The following SLC24A2 variants were observed in gnomAD, a reference collection of about 807,000 sequenced individuals.
SLC24A2 encodes the protein solute carrier family 24 member 2.
SLC24A2 carries 36 observed loss-of-function variants against 62.0 expected under a neutral mutation model. That is an observed-to-expected ratio of 0.58 (90% confidence interval 0.44 to 0.77). The LOEUF is 0.77. Ranked by LOEUF, SLC24A2 falls within the 30% of genes least tolerant of loss-of-function variation. The pLI is 0.00. For synonymous variants in SLC24A2, 358 were observed against 294.0 expected (o/e 1.22, Z -2.23); for missense variants, 846 against 817.9 (o/e 1.03, Z -0.42).
chr9:20,023,418 G>C, the SLC24A2 span, among the ~76,000 whole-genome samples: 7 of 152,164 alleles, frequency 4.6e-5, no homozygotes, highest in Non-Finnish European at 1.0e-4. Flanking sequence ...TAGCAGGCTT[G>C]GTTACTGTTA....
At chr9:20,078,706 G>C in the SLC24A2 span, among the ~76,000 whole-genome samples, 3 of 152,056 alleles carry the variant, frequency 2.0e-5, no homozygotes, top group Admixed American at 2.0e-4. Context: ...TTCCAGTTTA[G>C]CTCTGACCTT....
At chr9:20,194,189 G>A in the SLC24A2 span, among the ~76,000 whole-genome samples, 3 of 152,026 alleles carry the variant, frequency 2.0e-5, no homozygotes. Flanking sequence ...TGTCTTTTAA[G>A]CATGTCATGA....
chr9:20,107,977 A>G, the SLC24A2 span, among the ~76,000 whole-genome samples: 3 of 152,240 alleles, frequency 2.0e-5, no homozygotes, highest in Non-Finnish European at 4.4e-5. Flanking sequence ...TCCAGAATCT[A>G]CAATGAACTC....
chr9:20,097,266 A>T, the SLC24A2 span, among the ~76,000 whole-genome samples: 1 of 152,174 alleles, frequency 6.6e-6, no homozygotes, highest in Admixed American at 6.5e-5. Flanking sequence ...AGAGTACTCC[A>T]ATTGCCCGAT....
chr9:20,221,025 CA>C, the SLC24A2 span, among the ~76,000 whole-genome samples: 2 of 152,016 alleles, frequency 1.3e-5, no homozygotes, highest in Non-Finnish European at 2.9e-5. Context: ...ACAAAATAGG[CA>C]AAAAATTCTG....
chr9:19,566,584 C>G (rs975304874), intron 7 of SLC24A2, among the ~76,000 whole-genome samples: 2 of 152,082 alleles, frequency 1.3e-5, no homozygotes, highest in African/African-American at 4.8e-5. Flanking sequence ...ACTAGAAATA[C>G]CATTTGACCC....
At chr9:19,633,015 T>A (rs1350979371) in intron 2 of SLC24A2, among the ~76,000 whole-genome samples, 1 of 152,230 alleles carries the variant, frequency 6.6e-6, no homozygotes, top group African/African-American at 2.4e-5. Flanking sequence ...TATTCTGTTA[T>A]CAATTTCTAC....
At chr9:20,015,880 C>A in the SLC24A2 span, among the ~76,000 whole-genome samples, 4 of 152,176 alleles carry the variant, frequency 2.6e-5, no homozygotes, top group Non-Finnish European at 5.9e-5. Flanking sequence ...GGAAATGTCC[C>A]ACTTAACATC....
At chr9:19,909,981 T>C in the SLC24A2 span, among the ~76,000 whole-genome samples, 3 of 152,162 alleles carry the variant, frequency 2.0e-5, no homozygotes, top group African/African-American at 7.2e-5. Context: ...CCCTTCCATA[T>C]TCACTCAAAA....
intron 2 of SLC24A2, among the ~76,000 whole-genome samples, chr9:19,681,116 T>C (rs925876202): frequency 6.6e-6 from 1 of 151,902 alleles, no homozygotes; most frequent in African/African-American, 2.4e-5. Flanking sequence ...GTCAATGCCC[T>C]TATAGAGAGA....
chr9:20,264,951 G>C, the SLC24A2 span, among the ~76,000 whole-genome samples: 1 of 152,268 alleles, frequency 6.6e-6, no homozygotes, highest in African/African-American at 2.4e-5. Flanking sequence ...AAGCCACTCC[G>C]GCAATGAGCA....
At chr9:19,684,620 C>T (rs17577196) in intron 2 of SLC24A2, among the ~76,000 whole-genome samples, 3,444 of 152,126 alleles carry the variant, frequency 0.023, 65 homozygotes, top group Middle Eastern at 0.037. Context: ...TGAGTTTCAT[C>T]TAGACTTGTT....
At chr9:19,701,932 C>T (rs894812004) in intron 2 of SLC24A2, among the ~76,000 whole-genome samples, 1 of 151,944 alleles carries the variant, frequency 6.6e-6, no homozygotes, top group African/African-American at 2.4e-5. Context: ...TACTCCAAGA[C>T]TAGCAGTAGC....
the SLC24A2 span, among the ~76,000 whole-genome samples, chr9:20,242,521 G>C: frequency 6.6e-6 from 1 of 152,210 alleles, no homozygotes; most frequent in Non-Finnish European, 1.5e-5. Context: ...GGAGAAGACA[G>C]CTGTTCCCAA....
At chr9:19,879,668 C>A in the SLC24A2 span, among the ~76,000 whole-genome samples, 1 of 152,184 alleles carries the variant, frequency 6.6e-6, no homozygotes, top group Non-Finnish European at 1.5e-5. Flanking sequence ...GTAGGGGGCA[C>A]GCTGATTAGA....
At chr9:19,881,324 C>G in the SLC24A2 span, among the ~76,000 whole-genome samples, 1 of 152,090 alleles carries the variant, frequency 6.6e-6, no homozygotes, top group African/African-American at 2.4e-5. Context: ...CAGAAGTCAA[C>G]TGAAAATATC....
chr9:19,520,502 A>G (rs1040587971), intron 10 of SLC24A2, among the ~76,000 whole-genome samples: 1 of 152,156 alleles, frequency 6.6e-6, no homozygotes. Flanking sequence ...GTTTTCCCCA[A>G]TCTGCCTTAA....
chr9:19,934,507 C>G, the SLC24A2 span, among the ~76,000 whole-genome samples: 3 of 152,200 alleles, frequency 2.0e-5, no homozygotes, highest in Admixed American at 6.5e-5. The surrounding 1 kb of genome is among the most constrained non-coding windows in gnomAD (Gnocchi z 4.1). Flanking sequence ...GGTCCCCGCG[C>G]ACCCCCGTTC....
At chr9:20,225,993 G>A in the SLC24A2 span, among the ~76,000 whole-genome samples, 62,505 of 151,870 alleles carry the variant, frequency 0.41, 14,263 homozygotes, top group East Asian at 0.72. Flanking sequence ...GTGAAGGAAG[G>A]AGGAAACGGG....
Sources: gnomAD v4.1 joint callset for allele counts (sites outside exome capture counted in the v4.1 genomes callset) on GRCh38, gnomAD v4.1.1 for gene constraint, Gnocchi (gnomAD v3.1) non-coding constraint, MANE v1.5 for transcripts, NCBI Gene and HGNC (gene_info 2026-07-23, HGNC 2026-07-21) for gene names.